Variants in GREB1L observed in about 807,000 individuals in gnomAD.
GREB1L encodes the protein GREB1 like retinoic acid receptor coactivator, also known as GREB1-like protein.
In GREB1L, 17 loss-of-function variants were observed where a neutral mutation model predicts 200.8. The observed-to-expected ratio is 0.08, with a 90% confidence interval of 0.06 to 0.13. The LOEUF (loss-of-function observed/expected upper bound fraction) is 0.13, where lower values mean the gene tolerates loss of function less well. Among genes scored for constraint, GREB1L ranks in the 10% least tolerant of loss-of-function variants. GREB1L has a pLI of 1.00. For synonymous variants in GREB1L, 789 were observed against 893.0 expected (o/e 0.88, Z 2.08); for missense variants, 1,657 against 2,367.7 (o/e 0.70, Z 6.23).
intron 7 of GREB1L, among the ~76,000 whole-genome samples, chr18:21,422,710 G>A (rs1210874321): frequency 6.6e-6 from 1 of 151,988 alleles, no homozygotes; most frequent in African/African-American, 2.4e-5. Flanking sequence ...CATTTATATT[G>A]TTTTGAAACA....
chr18:21,423,303 T>A (rs929106686), intron 7 of GREB1L, among the ~76,000 whole-genome samples: 2 of 152,178 alleles, frequency 1.3e-5, no homozygotes, highest in African/African-American at 4.8e-5. Flanking sequence ...GCTGTTTGCA[T>A]TTTTTCCTAT....
chr18:21,268,588 T>C (rs1469244624), intron 1 of GREB1L, among the ~76,000 whole-genome samples: 2 of 134,748 alleles, frequency 1.5e-5, no homozygotes, highest in African/African-American at 2.8e-5. Flanking sequence ...TATATATATA[T>C]ATATACATGT....
In GREB1L at chr18:21,425,356, A is replaced by G. The variant is rs1598810346; in HGVS notation, c.833-14165A>G. On this transcript the variant is annotated intron_variant, in intron 7 of 32. Coordinates refer to ENST00000424526, the MANE Select transcript of GREB1L (RefSeq NM_001142966.3). ...AGCTATTATGAACAATCCTGCTATG[A>G]ACATTTGTGCACAGGTTTTTGGCTG... 3.3e-5 allele frequency among the ~76,000 whole-genome samples: 5 copies of G among 152,306 alleles called. 1 individual carries two copies. Among genetic ancestry groups the G allele is most frequent in the Admixed American group, 3.3e-4 (5 of 15,292 alleles).
intron 1 of GREB1L, among the ~76,000 whole-genome samples, chr18:21,326,453 C>A (rs1168496964): frequency 6.6e-6 from 1 of 152,116 alleles, no homozygotes; most frequent in African/African-American, 2.4e-5. Context: ...CTTTAGATCC[C>A]CAACATTCCT....
At chr18:21,504,222 C>T (rs970765045) in intron 23 of GREB1L, among the ~76,000 whole-genome samples, 3 of 152,164 alleles carry the variant, frequency 2.0e-5, no homozygotes, top group African/African-American at 7.2e-5. Context: ...CCATGTCCAG[C>T]GTGTCTTGGC....
chr18:21,480,565 T>C (rs1051948270), intron 17 of GREB1L, among the ~76,000 whole-genome samples: 2 of 152,190 alleles, frequency 1.3e-5, no homozygotes, highest in African/African-American at 4.8e-5. Context: ...AACAACCTTA[T>C]ACATGTAAGG....
intron 1 of GREB1L, among the ~76,000 whole-genome samples, chr18:21,347,833 C>T (rs1389410257): frequency 3.5e-5 from 5 of 144,120 alleles, no homozygotes; most frequent in Non-Finnish European, 6.0e-5. Flanking sequence ...GTGGCACAAT[C>T]TCGGCTCACT....
chr18:21,363,276 G>GC (rs1208167958), intron 1 of GREB1L, among the ~76,000 whole-genome samples: 7 of 4,010 alleles, frequency 1.7e-3, no homozygotes, highest in African/African-American at 2.1e-3. Flanking sequence ...CCCCCACTCC[G>GC]CCTCCCCCCC....
intron 17 of GREB1L, among the ~76,000 whole-genome samples, chr18:21,483,033 G>A (rs2145786953): frequency 6.6e-6 from 1 of 152,324 alleles, no homozygotes; most frequent in South Asian, 2.1e-4. Context: ...AAACAGAACA[G>A]ATGGAGAAAC....
intron 4 of GREB1L, among the ~76,000 whole-genome samples, 186 bp from the exon 5 acceptor site, chr18:21,395,197 CTT>C (rs1234506657): frequency 6.6e-6 from 1 of 150,948 alleles, no homozygotes; most frequent in Non-Finnish European, 1.5e-5. Context: ...CTTTCAATGT[CTT>C]TTCAGCTTTG....
chr18:21,504,168 C>G (rs2145982009), intron 23 of GREB1L, among the ~76,000 whole-genome samples: 1 of 152,304 alleles, frequency 6.6e-6, no homozygotes, highest in East Asian at 1.9e-4. Context: ...AAATGATCTG[C>G]CTGCCTCGGC....
At chr18:21,502,557 T>C (rs962839501) in intron 23 of GREB1L, among the ~76,000 whole-genome samples, 4 of 152,294 alleles carry the variant, frequency 2.6e-5, no homozygotes, top group South Asian at 4.1e-4. Context: ...TTTAACCACT[T>C]TTTTATGGCT....
chr18:21,268,040 T>G (rs2038000611), intron 1 of GREB1L, among the ~76,000 whole-genome samples: 1 of 152,172 alleles, frequency 6.6e-6, no homozygotes, highest in Non-Finnish European at 1.5e-5. Flanking sequence ...CAGGGTCTTT[T>G]GCCCCCTGAT....
chr18:21,361,102 A>C (rs2039574307), intron 1 of GREB1L, among the ~76,000 whole-genome samples: 1 of 152,210 alleles, frequency 6.6e-6, no homozygotes, highest in African/African-American at 2.4e-5. Flanking sequence ...TTTACAATGC[A>C]AAGATTTAAA....
Position 21,525,195 on chromosome 18 carries a change from G to A in GREB1L, c.*2374G>A, listed in dbSNP as rs1184427951. 6.6e-6 allele frequency: 1 copy of A among 151,914 alleles called. No homozygotes were observed. The highest frequency in any genetic ancestry group is 6.6e-5 in the Admixed American group (1 of 15,238). 9.4% of individuals were successfully genotyped at this position (151,914 alleles called of 1,614,324 possible). ...GTAAACGAAAAACTAGAAGACAATT[G>A]TTATAATTTTTTTTGGCTGTAATTT... On this transcript the variant is annotated 3_prime_UTR_variant, in exon 33 of 33. Transcript: ENST00000424526.
At chr18:21,271,217 G>T (rs1324692945) in intron 1 of GREB1L, among the ~76,000 whole-genome samples, 3 of 152,052 alleles carry the variant, frequency 2.0e-5, no homozygotes, top group Non-Finnish European at 4.4e-5. Context: ...GCCCATTGAG[G>T]CCTTTGTTTT....
intron 1 of GREB1L, among the ~76,000 whole-genome samples, chr18:21,358,118 T>A (rs2039531021): frequency 2.0e-5 from 3 of 152,336 alleles, no homozygotes; most frequent in East Asian, 3.9e-4. Flanking sequence ...CATTTATTTG[T>A]GTCTTCAATT....
intron 15 of GREB1L, among the ~76,000 whole-genome samples, chr18:21,455,524 A>T (rs1445110754): frequency 6.6e-6 from 1 of 152,148 alleles, no homozygotes; most frequent in African/African-American, 2.4e-5. Flanking sequence ...TCTACTAAAA[A>T]TACAAAAATT....
Position 21,451,046 on chromosome 18 carries a change from G to T in GREB1L, c.1744G>T (p.Ala582Ser), listed in dbSNP as rs1290064070. 7.1e-6 allele frequency: 11 copies of T among 1,552,032 alleles called. No homozygotes were observed. The South Asian group carries it at 1.1e-4, about 15-fold the overall frequency. ...AGGTCAGCACCAGTCCCGAGCTCTG[G>T]CAGAGAGCATGCTCACCACAAGTGA... is the stretch of plus-strand genomic sequence containing the variant. ...VLGQHQSRAL[A>S]ESMLTTSEFL... Residue 582 changes from alanine (A) to serine (S), a missense_variant, in exon 13 of 33, where the codon GCA becomes TCA. Physicochemically the swap from Ala to Ser is moderately conservative, Grantham distance 99 (BLOSUM62 1). Coordinates refer to ENST00000424526, the MANE Select transcript of GREB1L (RefSeq NM_001142966.3).
Sources: allele counts gnomAD v4.1 joint callset (sites outside exome capture counted in the v4.1 genomes callset), GRCh38; gene constraint gnomAD v4.1.1; transcripts MANE v1.5; gene names NCBI Gene and HGNC (gene_info 2026-07-23, HGNC 2026-07-21).